KAT6B: variants seen among roughly 807,000 people sequenced by gnomAD.
KAT6B encodes the protein histone acetyltransferase KAT6B.
KAT6B carries 10 observed loss-of-function variants against 187.5 expected under a neutral mutation model. That is an observed-to-expected ratio of 0.05 (90% CI 0.03 to 0.09). The LOEUF (loss-of-function observed/expected upper bound fraction) is 0.09. KAT6B is among the 10% of genes least tolerant of loss of function. The pLI is 1.00. For synonymous variants in KAT6B, 861 were observed against 926.8 expected (o/e 0.93, Z 1.29); for missense variants, 1,952 against 2,558.9 (o/e 0.76, Z 5.12).
At chr10:74,988,997 G>A (rs557702245) in intron 12 of KAT6B, 22 bp from the exon 13 acceptor site, 2 of 1,545,276 alleles carry the variant, frequency 1.3e-6, no homozygotes, top group South Asian at 2.2e-5. Flanking sequence ...TGACATACTT[G>A]ATCTGTTTCT....
At chr10:74,933,671 T>C (rs1020344289) in intron 3 of KAT6B, among the ~76,000 whole-genome samples, 3 of 152,220 alleles carry the variant, frequency 2.0e-5, no homozygotes, top group African/African-American at 7.2e-5. Context: ...TGGAACAATA[T>C]GCTCATATGT....
At chr10:74,900,881 T>G (rs1383214094) in intron 3 of KAT6B, among the ~76,000 whole-genome samples, 2 of 152,236 alleles carry the variant, frequency 1.3e-5, no homozygotes, top group African/African-American at 4.8e-5. Flanking sequence ...TGTCCAGGTG[T>G]CATTCCTTGT....
At chr10:74,915,230 G>T (rs932117385) in intron 3 of KAT6B, among the ~76,000 whole-genome samples, 1 of 152,048 alleles carries the variant, frequency 6.6e-6, no homozygotes, top group African/African-American at 2.4e-5. Flanking sequence ...TAATGTATCC[G>T]TGTAAGTTTC....
intron 3 of KAT6B, among the ~76,000 whole-genome samples, chr10:74,905,943 T>C (rs925345284): frequency 6.6e-6 from 1 of 152,186 alleles, no homozygotes; most frequent in Non-Finnish European, 1.5e-5. Flanking sequence ...CTTCTCACAT[T>C]TCGGCTGAGG....
At chr10:75,004,449 A>G (rs1420615672) in intron 13 of KAT6B, among the ~76,000 whole-genome samples, 1 of 152,144 alleles carries the variant, frequency 6.6e-6, no homozygotes, top group Non-Finnish European at 1.5e-5. Context: ...TGTTTTTTAC[A>G]CTTTATTTAT....
chr10:74,936,501 A>T (rs575438071), intron 3 of KAT6B, among the ~76,000 whole-genome samples: 1 of 152,136 alleles, frequency 6.6e-6, no homozygotes, highest in East Asian at 1.9e-4. Context: ...GTTTATGTTG[A>T]TTATTTATAT....
At chr10:74,845,303 C>T (rs1250043048) in intron 3 of KAT6B, among the ~76,000 whole-genome samples, 4 of 151,266 alleles carry the variant, frequency 2.6e-5, no homozygotes, top group Non-Finnish European at 5.9e-5. Flanking sequence ...TGAGGTGGGC[C>T]AATTGCCTGA....
chr10:74,952,183 C>T (rs187566377), intron 3 of KAT6B, among the ~76,000 whole-genome samples: 20 of 152,112 alleles, frequency 1.3e-4, no homozygotes, highest in African/African-American at 4.8e-4. Context: ...GCGAGACCCC[C>T]ATCTCTATGA....
chr10:74,941,547 T>TA (rs1341597709), intron 3 of KAT6B, among the ~76,000 whole-genome samples: 1 of 152,132 alleles, frequency 6.6e-6, no homozygotes, highest in Non-Finnish European at 1.5e-5. Flanking sequence ...AAGTTTATGC[T>TA]AAAAAATTGG....
chr10:74,991,969 T>C (rs1374238318), intron 13 of KAT6B, among the ~76,000 whole-genome samples: 1 of 152,246 alleles, frequency 6.6e-6, no homozygotes, highest in Non-Finnish European at 1.5e-5. Flanking sequence ...AAGGTAGGGA[T>C]GAGTCACATG....
chr10:74,953,947 A>G lies in KAT6B; in HGVS notation c.622-6023A>G, dbSNP rs548471095. ...GATTTAAAGAATGTTTCCTTAGAAA[A>G]TGCTATCTTATTTTGAGATCAAAGG... On this transcript the variant is annotated intron_variant, in intron 3 of 17. Coordinates refer to ENST00000287239, the MANE Select transcript of KAT6B (RefSeq NM_012330.4). Among the ~76,000 whole-genome samples the G allele has an allele frequency of 7.2e-5, 11 of 152,354 alleles. No individual in the cohort carries two copies. The South Asian group carries it at 2.1e-3, about 29-fold the overall frequency.
At chr10:74,859,373 C>G (rs1002888539) in intron 3 of KAT6B, among the ~76,000 whole-genome samples, 2 of 152,150 alleles carry the variant, frequency 1.3e-5, no homozygotes, top group African/African-American at 2.4e-5. Context: ...GCGTGAGCCA[C>G]TGTGCCCAGC....
chr10:75,022,166 G>A lies in KAT6B; in HGVS notation c.3307G>A (p.Glu1103Lys), dbSNP rs2134169558. 1.2e-6 allele frequency: 2 copies of A among 1,613,238 alleles called. No homozygotes were observed. Among genetic ancestry groups the A allele is most frequent in the Non-Finnish European group, 1.7e-6 (2 of 1,179,882 alleles). ...AGAAGAGGAAGAAGAAGAAGAAGAA[G>A]AAGAAAATATTCAAAGCTCTCCCCC... ...EEEEEEEEEE[E>K]ENIQSSPPRL... The change falls in exon 16 of 18, where the codon GAA (glutamate) becomes AAA (lysine). Residue 1103 changes from glutamate (E) to lysine (K), a missense_variant. Glu to Lys is a moderately conservative substitution (Grantham distance 56). Coordinates refer to ENST00000287239, the MANE Select transcript of KAT6B (RefSeq NM_012330.4).
At chr10:74,848,325 G>A (rs1228235955) in intron 3 of KAT6B, among the ~76,000 whole-genome samples, 1 of 152,128 alleles carries the variant, frequency 6.6e-6, no homozygotes, top group East Asian at 1.9e-4. Context: ...ACACAAATTC[G>A]TAAACTTTCT....
At chr10:74,966,143 G>A (rs1468596793) in intron 4 of KAT6B, among the ~76,000 whole-genome samples, 1 of 152,190 alleles carries the variant, frequency 6.6e-6, no homozygotes, top group East Asian at 1.9e-4. Flanking sequence ...ACATTCCCCG[G>A]CTTGCAGCCC....
At chr10:74,832,696 C>T (rs146513637) in intron 1 of KAT6B, among the ~76,000 whole-genome samples, 3,877 of 151,968 alleles carry the variant, frequency 0.026, 161 homozygotes, top group African/African-American at 0.088. Flanking sequence ...GATGGGGTTT[C>T]ACCATGTTGG....
Position 74,980,262 on chromosome 10 carries a change from G to C in KAT6B, c.2231+923G>C, listed in dbSNP as rs1184924940. 2.0e-5 allele frequency among the ~76,000 whole-genome samples: 3 copies of C among 152,230 alleles called. No homozygotes were observed. The South Asian group carries it at 6.2e-4, about 31-fold the overall frequency. ...GAATATATCCCAAAATGGGTACATTGAGAATAGATGTCTTCCATAAAGTAT... is the reference window on the plus strand; with the variant it reads ...GAATATATCCCAAAATGGGTACATTCAGAATAGATGTCTTCCATAAAGTAT... On this transcript the variant is annotated intron_variant, in intron 10 of 17. Transcript: ENST00000287239.
intron 4 of KAT6B, among the ~76,000 whole-genome samples, chr10:74,961,194 CATT>C (rs1416591468): frequency 6.6e-6 from 1 of 152,176 alleles, no homozygotes; most frequent in Non-Finnish European, 1.5e-5. Flanking sequence ...GGCATGGAAA[CATT>C]ATCTGTACGT....
At chr10:74,938,443 C>T (rs1849419383) in intron 3 of KAT6B, among the ~76,000 whole-genome samples, 1 of 151,652 alleles carries the variant, frequency 6.6e-6, no homozygotes. Flanking sequence ...GTAGATAGGG[C>T]AGGTAATTGG....
Sources: gnomAD v4.1 joint callset for allele counts (sites outside exome capture counted in the v4.1 genomes callset) on GRCh38, gnomAD v4.1.1 for gene constraint, MANE v1.5 for transcripts, NCBI Gene and HGNC (gene_info 2026-07-23, HGNC 2026-07-21) for gene names.